GALNTL6: variants seen among roughly 807,000 people sequenced by gnomAD.
GALNTL6 encodes polypeptide N-acetylgalactosaminyltransferase like 6.
Under a neutral mutation model 73.7 loss-of-function variants are expected in GALNTL6, and 46 were observed. That is an observed-to-expected ratio of 0.62 (90% CI 0.49 to 0.80). GALNTL6 has a LOEUF of 0.80. Among genes scored for constraint, GALNTL6 ranks in the 30% least tolerant of loss-of-function variants. GALNTL6 has a pLI of 0.00. For missense variants in GALNTL6, 604 were observed against 755.0 expected (o/e 0.80, Z 2.34); for synonymous variants, 259 against 263.7 (o/e 0.98, Z 0.17).
intron 5 of GALNTL6, among the ~76,000 whole-genome samples, chr4:172,673,580 C>T (rs939594747): frequency 1.4e-4 from 21 of 152,146 alleles, no homozygotes; most frequent in African/African-American, 4.8e-4. Flanking sequence ...TTGTTAAAGT[C>T]TCCCACTATT....
chr4:172,917,877 G>T (rs1051422075), intron 8 of GALNTL6, among the ~76,000 whole-genome samples: 4 of 152,182 alleles, frequency 2.6e-5, no homozygotes, highest in African/African-American at 7.2e-5. Context: ...AATACCATTT[G>T]ACCCAGTGAT....
intron 10 of GALNTL6, among the ~76,000 whole-genome samples, chr4:173,000,032 A>T (rs1561078587): frequency 6.6e-6 from 1 of 152,292 alleles, no homozygotes; most frequent in South Asian, 2.1e-4. Context: ...ACACTGCCCC[A>T]GTCTCATTTC....
intron 5 of GALNTL6, among the ~76,000 whole-genome samples, chr4:172,566,385 A>G (rs1736555221): frequency 6.6e-6 from 1 of 152,202 alleles, no homozygotes; most frequent in Non-Finnish European, 1.5e-5. Context: ...ACAATAGGTG[A>G]AACTCCAGAA....
intron 7 of GALNTL6, among the ~76,000 whole-genome samples, chr4:172,881,948 A>G (rs1745475088): frequency 6.6e-6 from 1 of 151,886 alleles, no homozygotes; most frequent in African/African-American, 2.4e-5. Context: ...GGTTGTTCAC[A>G]GGGTTGTTGT....
intron 2 of GALNTL6, among the ~76,000 whole-genome samples, chr4:172,055,844 T>C (rs1480620251): frequency 6.6e-6 from 1 of 152,138 alleles, no homozygotes; most frequent in Non-Finnish European, 1.5e-5. Context: ...ACAGAAGGGA[T>C]CTAAAATTGA....
At chr4:172,183,998 G>A (rs1579226530) in intron 2 of GALNTL6, among the ~76,000 whole-genome samples, 1 of 151,996 alleles carries the variant, frequency 6.6e-6, no homozygotes, top group African/African-American at 2.4e-5. Flanking sequence ...TCACCATGTT[G>A]GCCAGGATGG....
intron 5 of GALNTL6, among the ~76,000 whole-genome samples, chr4:172,349,845 A>ATT (rs1554016263): frequency 0.057 from 5,370 of 94,278 alleles, 109 homozygotes; most frequent in South Asian, 0.068. Context: ...ATATATATAT[A>ATT]TTTTTTTTAA....
At chr4:172,801,271 C>T (rs1740623951) in intron 5 of GALNTL6, among the ~76,000 whole-genome samples, 2 of 152,118 alleles carry the variant, frequency 1.3e-5, no homozygotes, top group African/African-American at 4.8e-5. Context: ...TAGCCTATTA[C>T]CAAAATGCCA....
chr4:172,536,777 G>A (rs1735360859), intron 5 of GALNTL6, among the ~76,000 whole-genome samples: 1 of 152,138 alleles, frequency 6.6e-6, no homozygotes, highest in South Asian at 2.1e-4. Context: ...TGATGTGATA[G>A]AAAAGAAAAA....
chr4:172,713,222 ATGTGTGTGTGTGTGTGTGTGTG>A (rs61504713), intron 5 of GALNTL6, among the ~76,000 whole-genome samples: 4 of 139,202 alleles, frequency 2.9e-5, no homozygotes, highest in African/African-American at 5.2e-5. Context: ...AAAGAATAAG[ATGTGTGTGTGTGTGTGTGTGTG>A]TGTGTGTGTG....
intron 5 of GALNTL6, among the ~76,000 whole-genome samples, chr4:172,419,144 T>C (rs1730956612): frequency 1.3e-5 from 2 of 152,086 alleles, no homozygotes; most frequent in Non-Finnish European, 1.5e-5. Context: ...TAGCTAGATA[T>C]GTTCTTCAAG....
intron 5 of GALNTL6, among the ~76,000 whole-genome samples, chr4:172,624,266 G>C (rs1223149021): frequency 2.6e-5 from 4 of 151,834 alleles, no homozygotes; most frequent in Non-Finnish European, 5.9e-5. Context: ...TGTTGTTTTT[G>C]TTTTTTGTTT....
intron 2 of GALNTL6, among the ~76,000 whole-genome samples, chr4:171,890,907 T>C (rs1212224316): frequency 6.6e-6 from 1 of 152,172 alleles, no homozygotes; most frequent in African/African-American, 2.4e-5. Context: ...TAATTAGCCT[T>C]ATCCCTTCTT....
At chr4:171,989,134 A>G (rs185441094) in intron 2 of GALNTL6, among the ~76,000 whole-genome samples, 1,568 of 152,114 alleles carry the variant, frequency 0.01, 15 homozygotes, top group Middle Eastern at 0.024. Context: ...CAGTTATGGA[A>G]GCAAGGGAAA....
At chr4:172,135,691 C>G (rs913345860) in intron 2 of GALNTL6, among the ~76,000 whole-genome samples, 1 of 152,130 alleles carries the variant, frequency 6.6e-6, no homozygotes, top group Admixed American at 6.5e-5. Context: ...TAAGATTTTT[C>G]AAATCACTGA....
intron 2 of GALNTL6, among the ~76,000 whole-genome samples, chr4:171,918,269 GAT>G (rs1737683746): frequency 6.6e-6 from 1 of 151,954 alleles, no homozygotes; most frequent in Non-Finnish European, 1.5e-5. Flanking sequence ...GGTGCGTTAA[GAT>G]ATAAGTCTGA....
chr4:171,837,641 A>G (rs368590886), intron 2 of GALNTL6, among the ~76,000 whole-genome samples: 20 of 147,200 alleles, frequency 1.4e-4, no homozygotes, highest in Admixed American at 1.2e-3. Context: ...TTTATATAAT[A>G]TATTAATAAT....
intron 5 of GALNTL6, among the ~76,000 whole-genome samples, chr4:172,614,530 A>G (rs1278003328): frequency 3.3e-5 from 5 of 152,332 alleles, no homozygotes; most frequent in Admixed American, 6.5e-5. Flanking sequence ...GTTTTTCACA[A>G]TGATATAAGT....
chr4:172,774,498 A>C (rs554216118), intron 5 of GALNTL6, among the ~76,000 whole-genome samples: 1 of 152,350 alleles, frequency 6.6e-6, no homozygotes, highest in African/African-American at 2.4e-5. Context: ...CTTCGATAGA[A>C]GTTTATCTCT....
Sources: gnomAD v4.1 joint callset for allele counts (sites outside exome capture counted in the v4.1 genomes callset) on GRCh38, gnomAD v4.1.1 for gene constraint, MANE v1.5 for transcripts, NCBI Gene and HGNC (gene_info 2026-07-23, HGNC 2026-07-21) for gene names.